STXBP5: variants seen among roughly 807,000 people sequenced by gnomAD.
STXBP5 encodes the protein syntaxin binding protein 5, also known as syntaxin-binding protein 5.
STXBP5 carries 50 observed loss-of-function variants against 152.4 expected under a neutral mutation model. The observed-to-expected ratio is 0.33, with a 90% CI of 0.26 to 0.42. The LOEUF (loss-of-function observed/expected upper bound fraction) is 0.42. Among genes scored for constraint, STXBP5 ranks in the 10% least tolerant of loss-of-function variants. The pLI, the probability that STXBP5 is intolerant of heterozygous loss-of-function variation, is 1.00. For synonymous variants in STXBP5, 492 were observed against 494.7 expected, an observed-to-expected ratio of 0.99 and a Z score of 0.07; for missense variants, 1,167 against 1,388.6, an observed-to-expected ratio of 0.84 and a Z score of 2.54.
chr6:147,279,773 C>T (rs1415865946), intron 8 of STXBP5, among the ~76,000 whole-genome samples: 1 of 152,092 alleles, frequency 6.6e-6, no homozygotes, highest in African/African-American at 2.4e-5. Flanking sequence ...CTCGACACTC[C>T]TAAAAATTCC....
rs75197219 is a variant in STXBP5, at chr6:147,370,057, A to G, written c.3082-3674A>G. Among the ~76,000 whole-genome samples, 1,102 of 152,178 alleles carry G rather than the reference A, an allele frequency of 7.2e-3. 14 individuals carry two copies. The highest frequency in any genetic ancestry group is 0.025 in the African/African-American group (1,057 of 41,548). On this transcript the variant is annotated intron_variant, in intron 25 of 27. Coordinates refer to ENST00000321680, the MANE Select transcript of STXBP5 (RefSeq NM_001127715.4). Reference sequence around the variant, plus strand: ...AAATTGCAGTTTATCATACAGTAGAATTCTAGTCAGCAATACAAAGGAGTA... The same window carrying G: ...AAATTGCAGTTTATCATACAGTAGAGTTCTAGTCAGCAATACAAAGGAGTA...
At position 147,277,862 on chromosome 6, in the gene STXBP5, G is replaced by A. The variant is rs557200696; in HGVS notation, c.715-219G>A. Among the ~76,000 whole-genome samples, 23 of 152,134 alleles carry A rather than the reference G, an allele frequency of 1.5e-4. No individual in the cohort carries two copies. In the South Asian group the frequency reaches 2.1e-3, roughly 14 times the overall value. On this transcript the variant is annotated intron_variant, in intron 7 of 27. Coordinates refer to ENST00000321680, the MANE Select transcript of STXBP5 (RefSeq NM_001127715.4). Reference sequence around the variant, plus strand: ...TCATGCCTTCTTTATGCTGATTTAAGGAGTAAAGTAAGTACAGAGAATTAA... The same window carrying A: ...TCATGCCTTCTTTATGCTGATTTAAAGAGTAAAGTAAGTACAGAGAATTAA...
chr6:147,267,287 T>C, intron 7 of STXBP5, 120 bp downstream of exon 7: 2 of 707,640 alleles, frequency 2.8e-6, no homozygotes, highest in South Asian at 2.0e-5. Context: ...ATACACAATT[T>C]ATTTTTTACA....
intron 7 of STXBP5, among the ~76,000 whole-genome samples, chr6:147,267,906 C>CT (rs975648492): frequency 6.6e-6 from 1 of 152,144 alleles, no homozygotes; most frequent in African/African-American, 2.4e-5. Context: ...AGGAGACATT[C>CT]TAATTCTGTC....
At chr6:147,360,299 A>G (rs1241507076) in intron 23 of STXBP5, among the ~76,000 whole-genome samples, 1 of 152,158 alleles carries the variant, frequency 6.6e-6, no homozygotes, top group African/African-American at 2.4e-5. Context: ...ATTACTGGGT[A>G]TATACCCAAA....
chr6:147,319,828 CTTTTTTTTTTT>C (rs55948948), intron 16 of STXBP5, among the ~76,000 whole-genome samples: 11 of 71,612 alleles, frequency 1.5e-4, no homozygotes, highest in East Asian at 1.5e-3. Flanking sequence ...TATCTGGATT[CTTTTTTTTTTT>C]TTTTTTTTTT....
chr6:147,288,565 GT>G (rs1781112636), intron 8 of STXBP5, among the ~76,000 whole-genome samples: 1 of 152,162 alleles, frequency 6.6e-6, no homozygotes, highest in Non-Finnish European at 1.5e-5. Flanking sequence ...AACTTTAGTT[GT>G]TTTAATAGTA....
intron 18 of STXBP5, among the ~76,000 whole-genome samples, chr6:147,331,026 T>C (rs1783542563): frequency 6.6e-6 from 1 of 152,238 alleles, no homozygotes; most frequent in East Asian, 1.9e-4. Context: ...CAGAAAACAT[T>C]TGCCAGCCCT....
At chr6:147,272,330 A>G (rs1397402805) in intron 7 of STXBP5, among the ~76,000 whole-genome samples, 1 of 152,230 alleles carries the variant, frequency 6.6e-6, no homozygotes, top group Non-Finnish European at 1.5e-5. Context: ...GTGAACACAG[A>G]TGCCTAAGTC....
At chr6:147,316,836 G>A (rs576245877) in intron 16 of STXBP5, among the ~76,000 whole-genome samples, 3 of 151,952 alleles carry the variant, frequency 2.0e-5, no homozygotes, top group Non-Finnish European at 2.9e-5. Context: ...TAGCACCACC[G>A]TATCTTTATT....
At chr6:147,323,451 G>C (rs1014419502) in intron 16 of STXBP5, among the ~76,000 whole-genome samples, 1 of 151,794 alleles carries the variant, frequency 6.6e-6, no homozygotes, top group Non-Finnish European at 1.5e-5. Flanking sequence ...GAGTGCAGTG[G>C]TGCCATCTCA....
chr6:147,325,701 A>G (rs1370799092), intron 17 of STXBP5, among the ~76,000 whole-genome samples: 1 of 152,178 alleles, frequency 6.6e-6, no homozygotes, highest in Non-Finnish European at 1.5e-5. Flanking sequence ...CTAACTGTTC[A>G]GTCCCAGAGC....
intron 4 of STXBP5, among the ~76,000 whole-genome samples, chr6:147,250,041 C>T (rs1779007013): frequency 6.6e-6 from 1 of 152,132 alleles, no homozygotes; most frequent in Non-Finnish European, 1.5e-5. Flanking sequence ...GAGAAAATTG[C>T]ATCAGTAGAA....
intron 8 of STXBP5, among the ~76,000 whole-genome samples, chr6:147,282,320 C>T (rs530338520): frequency 1.3e-5 from 2 of 152,250 alleles, no homozygotes; most frequent in African/African-American, 4.8e-5. Flanking sequence ...TTATTTTTGA[C>T]TACCAAAAAC....
At chr6:147,327,301 C>T (rs750227945) in intron 18 of STXBP5, 25 bp downstream of exon 18, 2 of 1,593,874 alleles carry the variant, frequency 1.3e-6, no homozygotes, top group East Asian at 2.2e-5. Context: ...AAAGAAAATT[C>T]TGAGCTTTAG....
At chr6:147,238,575 T>C (rs1459493346) in intron 3 of STXBP5, among the ~76,000 whole-genome samples, 1 of 152,218 alleles carries the variant, frequency 6.6e-6, no homozygotes, top group Non-Finnish European at 1.5e-5. Flanking sequence ...TAAATGATTC[T>C]CAAATACTGC....
chr6:147,260,233 T>G (rs1779578673), intron 4 of STXBP5, among the ~76,000 whole-genome samples: 1 of 152,150 alleles, frequency 6.6e-6, no homozygotes, highest in Admixed American at 6.5e-5. Context: ...CTGAGATGGA[T>G]TAATGTGCTT....
intron 7 of STXBP5, among the ~76,000 whole-genome samples, chr6:147,273,613 C>T (rs1780288242): frequency 6.6e-6 from 1 of 152,094 alleles, no homozygotes; most frequent in African/African-American, 2.4e-5. Flanking sequence ...GCTTTGCTAG[C>T]TCTCTGGGCA....
Position 147,327,190 on chromosome 6 carries a change from A to G in STXBP5, c.1994A>G (p.Asn665Ser). The change falls in exon 18 of 28, where the codon AAC becomes AGC. Residue 665 changes from asparagine to serine, a missense_variant. Asn to Ser is a conservative substitution (Grantham distance 46, BLOSUM62 1). Coordinates refer to ENST00000321680, the MANE Select transcript of STXBP5 (RefSeq NM_001127715.4). ...TACCTCCAGAAAGCAGTGCTGCTCAACCTGGGCACTATTGAATTATATGGC... is the reference window on the plus strand; with the variant it reads ...TACCTCCAGAAAGCAGTGCTGCTCAGCCTGGGCACTATTGAATTATATGGC... ...VDYLQKAVLL[N>S]LGTIELYGSN... 2 of 1,614,136 alleles carry G rather than the reference A, an allele frequency of 1.2e-6. No individual in the cohort carries two copies. Among genetic ancestry groups the G allele is most frequent in the Non-Finnish European group, 1.7e-6 (2 of 1,180,018 alleles).
Sources: allele counts gnomAD v4.1 joint callset (sites outside exome capture counted in the v4.1 genomes callset), GRCh38; gene constraint gnomAD v4.1.1; transcripts MANE v1.5; gene names NCBI Gene and HGNC (gene_info 2026-07-23, HGNC 2026-07-21).